ZNF385D: variants seen among roughly 807,000 people sequenced by gnomAD.
The protein encoded by ZNF385D is zinc finger protein 385D, also known as zinc finger protein 659.
ZNF385D carries 15 observed loss-of-function variants against 35.8 expected under a neutral mutation model. The observed-to-expected ratio is 0.42, with a 90% confidence interval of 0.28 to 0.64. ZNF385D has a LOEUF of 0.64. Among genes scored for constraint, ZNF385D ranks in the 30% least tolerant of loss-of-function variants. The pLI is 0.23. For missense variants in ZNF385D, 474 were observed against 494.6 expected (o/e 0.96, Z 0.39); for synonymous variants, 212 against 186.8 (o/e 1.13, Z -1.10).
chr3:21,664,849 T>G (rs757523386), intron 2 of ZNF385D, 37 bp downstream of exon 2: 1 of 1,612,810 alleles, frequency 6.2e-7, no homozygotes, highest in South Asian at 1.1e-5. Flanking sequence ...TTCCAATACC[T>G]TCCACTCAGG....
intron 2 of ZNF385D, among the ~76,000 whole-genome samples, chr3:22,306,609 G>A (rs181691969): frequency 2.6e-5 from 4 of 152,198 alleles, no homozygotes; most frequent in Admixed American, 6.6e-5. Flanking sequence ...GGAAGAAGTC[G>A]CTGTAGCCAG....
intron 3 of ZNF385D, among the ~76,000 whole-genome samples, chr3:22,008,203 C>T (rs1696336999): frequency 6.6e-6 from 1 of 151,884 alleles, no homozygotes; most frequent in African/African-American, 2.4e-5. Flanking sequence ...GCTACACTTT[C>T]AAAATAAGGT....
At chr3:21,749,182 A>C (rs1004244696) in intron 1 of ZNF385D, among the ~76,000 whole-genome samples, 3 of 152,196 alleles carry the variant, frequency 2.0e-5, no homozygotes, top group African/African-American at 7.2e-5. Flanking sequence ...GTACTATTAA[A>C]AACTTGCATT....
At chr3:21,455,535 G>A (rs1391670301) in intron 4 of ZNF385D, among the ~76,000 whole-genome samples, 2 of 152,200 alleles carry the variant, frequency 1.3e-5, no homozygotes, top group Non-Finnish European at 2.9e-5. Flanking sequence ...CTAGCCATAT[G>A]TAGAAAGCTG....
intron 3 of ZNF385D, among the ~76,000 whole-genome samples, chr3:22,040,718 G>C (rs1014480370): frequency 6.6e-6 from 1 of 152,084 alleles, no homozygotes; most frequent in Non-Finnish European, 1.5e-5. Flanking sequence ...ACACAGAAAA[G>C]ACTATCTTAT....
chr3:22,354,474 C>G (rs1212216682), intron 2 of ZNF385D, among the ~76,000 whole-genome samples: 1 of 151,862 alleles, frequency 6.6e-6, no homozygotes, highest in Non-Finnish European at 1.5e-5. Flanking sequence ...ATTTAATTAT[C>G]TCCAAAATAT....
intron 3 of ZNF385D, among the ~76,000 whole-genome samples, chr3:22,101,050 G>A (rs1701913226): frequency 6.6e-6 from 1 of 151,844 alleles, no homozygotes; most frequent in African/African-American, 2.4e-5. Flanking sequence ...TGGCTTCTGA[G>A]GTACCTGAGC....
intron 3 of ZNF385D, among the ~76,000 whole-genome samples, chr3:22,095,659 T>G (rs1197074670): frequency 3.1e-5 from 4 of 128,740 alleles, no homozygotes; most frequent in African/African-American, 1.1e-4. Flanking sequence ...TGCAGGAAAT[T>G]GATTTCTTTA....
intron 1 of ZNF385D, among the ~76,000 whole-genome samples, chr3:21,665,726 T>C (rs755680211): frequency 3.9e-5 from 6 of 152,122 alleles, no homozygotes; most frequent in Non-Finnish European, 8.8e-5. Flanking sequence ...AACAAAGACA[T>C]CCCCTTTGCA....
At chr3:21,880,597 G>A (rs573556756) in intron 3 of ZNF385D, among the ~76,000 whole-genome samples, 173 of 151,968 alleles carry the variant, frequency 1.1e-3, no homozygotes, top group African/African-American at 3.1e-3. Context: ...ACAAAATAAT[G>A]TTGAAATTAA....
At chr3:22,106,688 T>C (rs1469083749) in intron 3 of ZNF385D, among the ~76,000 whole-genome samples, 1 of 152,290 alleles carries the variant, frequency 6.6e-6, no homozygotes, top group Non-Finnish European at 1.5e-5. Flanking sequence ...ACCTACTACT[T>C]GTTGGTTGTA....
chr3:22,290,002 G>C (rs181008649), intron 2 of ZNF385D, among the ~76,000 whole-genome samples: 2 of 152,114 alleles, frequency 1.3e-5, no homozygotes, highest in Non-Finnish European at 2.9e-5. Context: ...TTGAGTTTTA[G>C]CCCCTTTTCT....
At chr3:21,973,223 C>A (rs531016519) in intron 3 of ZNF385D, among the ~76,000 whole-genome samples, 1 of 151,844 alleles carries the variant, frequency 6.6e-6, no homozygotes, top group Admixed American at 6.6e-5. Flanking sequence ...TCATCATGAC[C>A]AAGTTGGACT....
At chr3:21,423,883 T>G in intron 7 of ZNF385D, 80 bp downstream of exon 7, 1 of 1,367,984 alleles carries the variant, frequency 7.3e-7, no homozygotes. Flanking sequence ...TGGTTAAAGG[T>G]GGCAAAATGC....
At chr3:22,361,241 C>A (rs144163839) in intron 2 of ZNF385D, among the ~76,000 whole-genome samples, 128 of 152,092 alleles carry the variant, frequency 8.4e-4, no homozygotes, top group African/African-American at 3.0e-3. Context: ...AGAAAGCCAA[C>A]AACTGGGAAA....
intron 3 of ZNF385D, among the ~76,000 whole-genome samples, chr3:21,992,608 A>G (rs546749540): frequency 7.9e-5 from 12 of 152,306 alleles, no homozygotes; most frequent in Admixed American, 1.3e-4. Flanking sequence ...TGTGATGAAG[A>G]TATGACAAGA....
At chr3:21,872,394 G>A (rs894404373) in intron 3 of ZNF385D, among the ~76,000 whole-genome samples, 2 of 152,058 alleles carry the variant, frequency 1.3e-5, no homozygotes, top group South Asian at 4.1e-4. Flanking sequence ...ATGCATAACT[G>A]GAACTCCATA....
At chr3:22,081,984 G>C (rs890569707) in intron 3 of ZNF385D, among the ~76,000 whole-genome samples, 6 of 107,988 alleles carry the variant, frequency 5.6e-5, no homozygotes, top group Non-Finnish European at 1.1e-4. Flanking sequence ...TGTGGTTGGG[G>C]TTTTCTATTT....
chr3:21,620,791 G>T (rs1486903233), intron 2 of ZNF385D, among the ~76,000 whole-genome samples: 1 of 152,116 alleles, frequency 6.6e-6, no homozygotes, highest in Non-Finnish European at 1.5e-5. Flanking sequence ...TCAGTAAGAG[G>T]CATTTTCCAC....
Sources: gnomAD v4.1 joint callset for allele counts (sites outside exome capture counted in the v4.1 genomes callset) on GRCh38, gnomAD v4.1.1 for gene constraint, MANE v1.5 for transcripts, NCBI Gene and HGNC (gene_info 2026-07-23, HGNC 2026-07-21) for gene names.